Variants in UHRF2 observed in about 807,000 individuals in gnomAD.
The protein encoded by UHRF2 is ubiquitin like with PHD and ring finger domains 2, also known as E3 ubiquitin-protein ligase UHRF2.
UHRF2 carries 23 observed loss-of-function variants against 96.8 expected under a neutral mutation model. The observed-to-expected ratio is 0.24, with a 90% CI of 0.17 to 0.34. UHRF2 has a LOEUF of 0.34. Ranked by LOEUF, UHRF2 falls within the 10% of genes least tolerant of loss-of-function variation. UHRF2 has a pLI of 1.00. For missense variants in UHRF2, 685 were observed against 981.5 expected (o/e 0.70, Z 4.04); for synonymous variants, 385 against 332.6 (o/e 1.16, Z -1.72).
At chr9:6,461,853 A>G (rs1387939623) in intron 4 of UHRF2, among the ~76,000 whole-genome samples, 2 of 152,134 alleles carry the variant, frequency 1.3e-5, no homozygotes, top group East Asian at 3.9e-4. Flanking sequence ...AAATCTGTTA[A>G]TCATTTCCAG....
At position 6,498,044 on chromosome 9, in the gene UHRF2, A is replaced by C; in HGVS notation, c.1794A>C (p.Ser598=). The part of the protein sequence containing the change: ...YKVVKYWPEI[S]SSHGFLVWRY... The stretch of plus-strand genomic sequence containing the variant: ...TGGTGAAATACTGGCCAGAGATTTC[A>C]TCAAGCCATGGATTCTTGGTTTGGC... Residue 598 remains serine, a synonymous_variant, in exon 12 of 16, where the codon TCA becomes TCC. Transcript: ENST00000276893. 1 of 1,613,204 alleles carries C rather than the reference A, an allele frequency of 6.2e-7. No individual in the cohort carries two copies. The highest frequency in any genetic ancestry group is 1.3e-5 in the African/African-American group (1 of 75,038).
At chr9:6,494,190 A>G (rs1223572961) in intron 10 of UHRF2, 8 of 349,704 alleles carry the variant, frequency 2.3e-5, no homozygotes, top group Non-Finnish European at 4.1e-5. Flanking sequence ...CTTTGAAGGA[A>G]AGGAGCCTGT....
intron 1 of UHRF2, among the ~76,000 whole-genome samples, chr9:6,418,298 C>G (rs1452104082): frequency 2.0e-5 from 3 of 149,468 alleles, no homozygotes; most frequent in African/African-American, 7.4e-5. Flanking sequence ...AAGCAATATT[C>G]CCATCCCTAT....
intron 2 of UHRF2, among the ~76,000 whole-genome samples, chr9:6,424,340 C>T (rs1254683763): frequency 6.6e-6 from 1 of 151,302 alleles, no homozygotes; most frequent in African/African-American, 2.4e-5. Context: ...TAAGTTAAGA[C>T]TTATGTAAAT....
rs529413239 is a variant in UHRF2, at chr9:6,503,816, T to G, written c.2164-777T>G. On this transcript the variant is annotated intron_variant, in intron 14 of 15. Transcript: ENST00000276893. ...ACGTTGCCCATGATTTTTTTATTTT[T>G]TAAGTGAAAAATAGTTTGTCCCTGG... Among the ~76,000 whole-genome samples the G allele has an allele frequency of 4.6e-5, 7 of 152,158 alleles. No individual in the cohort carries two copies. In the South Asian group the frequency reaches 1.5e-3, roughly 32 times the overall value.
At chr9:6,497,902 A>C (rs538366383) in intron 11 of UHRF2, 116 bp from the exon 12 acceptor site, 104 of 1,327,780 alleles carry the variant, frequency 7.8e-5, no homozygotes, top group Non-Finnish European at 1.0e-4. Context: ...CCTTACAGCA[A>C]AGCAGAATAT....
chr9:6,491,054 G>T (rs1195855862), intron 9 of UHRF2, among the ~76,000 whole-genome samples: 2 of 152,200 alleles, frequency 1.3e-5, no homozygotes, highest in African/African-American at 4.8e-5. Flanking sequence ...CGTACCTGCT[G>T]ATAACTGAGT....
intron 9 of UHRF2, 68 bp from the exon 10 acceptor site, chr9:6,493,757 TC>T: frequency 1.5e-6 from 2 of 1,368,202 alleles, no homozygotes; most frequent in Non-Finnish European, 2.0e-6. Context: ...ATGTTTTGAC[TC>T]TGAAATAAGA....
intron 3 of UHRF2, among the ~76,000 whole-genome samples, chr9:6,437,106 A>G (rs1158843875): frequency 5.9e-5 from 9 of 152,220 alleles, no homozygotes; most frequent in Admixed American, 5.2e-4. Flanking sequence ...CATTAGAAAA[A>G]TGAATTATAA....
chr9:6,452,033 T>TAC (rs1021186529), intron 3 of UHRF2, among the ~76,000 whole-genome samples: 33 of 152,304 alleles, frequency 2.2e-4, no homozygotes, highest in African/African-American at 7.5e-4. Flanking sequence ...TGTGTATTTA[T>TAC]ACATATATAC....
At chr9:6,414,129 C>T (rs1741573763) in intron 1 of UHRF2, 1 of 152,804 alleles carries the variant, frequency 6.5e-6, no homozygotes, top group African/African-American at 2.4e-5. Flanking sequence ...GGGCATTGAG[C>T]TCTCAAGAAT....
chr9:6,485,695 T>A lies in UHRF2; in HGVS notation c.1393-1126T>A, dbSNP rs1444477370. Among the ~76,000 whole-genome samples the A allele has an allele frequency of 7.8e-5, 11 of 140,470 alleles. No individual in the cohort carries two copies. The South Asian group carries it at 1.2e-3, about 15-fold the overall frequency. The allele number at this position is 140,470 out of a possible 152,430, so 92.2% of individuals were successfully genotyped here. On this transcript the variant is annotated intron_variant, in intron 8 of 15. Transcript: ENST00000276893. ...GAACAATTGTATTGGCCAGGCGTGG[T>A]GGCTCACACCATAATCCCAACACTA...
intron 4 of UHRF2, among the ~76,000 whole-genome samples, chr9:6,472,437 A>C (rs974585634): frequency 6.6e-6 from 1 of 152,244 alleles, no homozygotes; most frequent in Admixed American, 6.5e-5. Flanking sequence ...AAGGATTTTA[A>C]GTCAAGCCAA....
chr9:6,502,871 G>T (rs1389351349), intron 14 of UHRF2, among the ~76,000 whole-genome samples: 2 of 152,150 alleles, frequency 1.3e-5, no homozygotes, highest in South Asian at 4.1e-4. Flanking sequence ...TTAAAAATGT[G>T]TTTATAATAC....
chr9:6,436,936 A>T (rs1820885665), intron 3 of UHRF2, among the ~76,000 whole-genome samples: 1 of 152,218 alleles, frequency 6.6e-6, no homozygotes, highest in South Asian at 2.1e-4. Context: ...AATGAAAGAT[A>T]ACAGAAGCTT....
At chr9:6,495,239 C>T (rs1039513586) in intron 10 of UHRF2, 1 of 152,186 alleles carries the variant, frequency 6.6e-6, no homozygotes, top group African/African-American at 2.4e-5. Context: ...AGTACCGCTA[C>T]AATCTCATTA....
At chr9:6,468,913 CCAG>C (rs1290257407) in intron 4 of UHRF2, among the ~76,000 whole-genome samples, 2 of 152,154 alleles carry the variant, frequency 1.3e-5, no homozygotes, top group Non-Finnish European at 2.9e-5. Flanking sequence ...CATTATCTCT[CCAG>C]CAGTAGGAAG....
chr9:6,421,761 TTC>T (rs1407086675), intron 2 of UHRF2, among the ~76,000 whole-genome samples: 1 of 152,166 alleles, frequency 6.6e-6, no homozygotes, highest in Non-Finnish European at 1.5e-5. Flanking sequence ...ATCAGAACAC[TTC>T]TCTCTGTGTC....
intron 3 of UHRF2, among the ~76,000 whole-genome samples, chr9:6,442,908 G>C (rs560076244): frequency 6.6e-6 from 1 of 152,110 alleles, no homozygotes; most frequent in Non-Finnish European, 1.5e-5. Flanking sequence ...CTGTCGGTCA[G>C]TCTTACAGTT....
Sources: allele counts gnomAD v4.1 joint callset (sites outside exome capture counted in the v4.1 genomes callset), GRCh38; gene constraint gnomAD v4.1.1; transcripts MANE v1.5; gene names NCBI Gene and HGNC (gene_info 2026-07-23, HGNC 2026-07-21).